NSMCE4A: variants seen among roughly 807,000 people sequenced by gnomAD.
The protein encoded by NSMCE4A is NSE4A component of SMC5/6 complex.
A neutral mutation model predicts 47.9 loss-of-function variants in NSMCE4A; 40 were observed. The ratio of observed to expected loss-of-function variants is 0.83; its 90% CI spans 0.65 to 1.09. The LOEUF is 1.09. Ranked by LOEUF, NSMCE4A falls within the 50% of genes least tolerant of loss-of-function variation. NSMCE4A has a pLI of 0.00. For missense variants in NSMCE4A, 500 were observed against 507.0 expected, an observed-to-expected ratio of 0.99 and a Z score of 0.13; for synonymous variants, 166 against 178.5, an observed-to-expected ratio of 0.93 and a Z score of 0.56.
Position 121,971,076 on chromosome 10 carries a change from A to C in NSMCE4A, c.371-7T>G, listed in dbSNP as rs1330748160. 1 of 1,602,792 alleles carries C rather than the reference A, an allele frequency of 6.2e-7. No homozygotes were observed. Among genetic ancestry groups the C allele is most frequent in the South Asian group, 1.1e-5 (1 of 88,954 alleles). On this transcript the variant is annotated splice_polypyrimidine_tract_variant and splice_region_variant and intron_variant, in intron 2 of 10. Transcript: ENST00000369023. ...GCTTCTCTTGCTCGGGACACTATTC[A>C]AAAAAGAAAGAAAATATTCACATTA...
chr10:121,969,928 C>T (rs1200731294), intron 3 of NSMCE4A, among the ~76,000 whole-genome samples: 9 of 152,076 alleles, frequency 5.9e-5, no homozygotes, highest in Admixed American at 5.9e-4. Flanking sequence ...GGTGGCCAGG[C>T]TGGTCTGAAA....
Position 121,974,035 on chromosome 10 carries a change from G to C in NSMCE4A, c.339C>G (p.Val113=). 1 of 1,604,830 alleles carries C rather than the reference G, an allele frequency of 6.2e-7. No homozygotes were observed. The highest frequency in any genetic ancestry group is 2.2e-5 in the East Asian group (1 of 44,798). ...ILNAGDKLTE[V]LEEANTLFNE... is the part of the protein sequence containing the mutation. ...TAAACAGAGTGTTAGCCTCTTCAAG[G>C]ACCTCTGTTAATTTGTCACCGGCAT... Residue 113 remains valine (V), a synonymous_variant, in exon 2 of 11, where the codon GTC becomes GTG. Transcript: ENST00000369023.
rs1188084164 is a variant in NSMCE4A, at chr10:121,967,731, T to C, written c.577A>G (p.Ile193Val). 1.2e-6 allele frequency: 2 copies of C among 1,614,084 alleles called. No homozygotes were observed. The highest frequency in any genetic ancestry group is 2.7e-5 in the African/African-American group (2 of 74,952). ...RDEDSPDFEFIVYDSWKITGR... is the reference protein window; with the variant it reads ...RDEDSPDFEFVVYDSWKITGR... ...GTTATCTTCCAGGAGTCATAGACTA[T>C]GAATTCAAAATCAGGACTATCTTCA... The change falls in exon 4 of 11, where the codon ATA becomes GTA. Residue 193 changes from isoleucine (I) to valine (V), a missense_variant. Transcript: ENST00000369023.
chr10:121,961,601 G>A (rs1952499787), intron 6 of NSMCE4A, 84 bp from the exon 7 acceptor site: 2 of 786,962 alleles, frequency 2.5e-6, no homozygotes, highest in East Asian at 3.0e-5. Context: ...GACAAAGAAA[G>A]GATGTGTACT....
chr10:121,971,150 A>C, intron 2 of NSMCE4A, 81 bp from the exon 3 acceptor site: 1 of 1,216,528 alleles, frequency 8.2e-7, no homozygotes, highest in Non-Finnish European at 1.1e-6. Flanking sequence ...CCAACTACTT[A>C]CCAGGATTTC....
chr10:121,974,215 CTT>C (rs1952772332), intron 1 of NSMCE4A, 134 bp from the exon 2 acceptor site: 1 of 1,392,832 alleles, frequency 7.2e-7, no homozygotes, highest in Non-Finnish European at 9.6e-7. Flanking sequence ...ACATCTTTAT[CTT>C]TTTAACCAAA....
Position 121,960,619 on chromosome 10 carries a change from C to T in NSMCE4A, c.940-213G>A, listed in dbSNP as rs564690292. On this transcript the variant is annotated intron_variant, in intron 7 of 10. Coordinates refer to ENST00000369023, the MANE Select transcript of NSMCE4A (RefSeq NM_017615.3). The surrounding 1 kb of genome is among the most constrained non-coding windows in gnomAD (Gnocchi z 4.2). Reference sequence around the variant, plus strand: ...TCTAATCAGCTCTTTCACCCAGACACAGCCTCCATCCTGAGAATCTCTTAA... The same window carrying T: ...TCTAATCAGCTCTTTCACCCAGACATAGCCTCCATCCTGAGAATCTCTTAA... 9.8e-5 allele frequency among the ~76,000 whole-genome samples: 15 copies of T among 152,296 alleles called. No individual in the cohort carries two copies. The highest frequency in any genetic ancestry group is 3.4e-4 in the African/African-American group (14 of 41,574).
chr10:121,974,002 A>ACCTT lies in NSMCE4A; in HGVS notation c.368_370+1dup. Reference sequence around the variant, plus strand: ...GAAATAACATATAAAATAACAAATTACCTTCATTAAACAGAGTGTTAGCCT... The same window carrying ACCTT: ...GAAATAACATATAAAATAACAAATTACCTTCCTTCATTAAACAGAGTGTTAGCCT... On this transcript the variant is annotated splice_donor_variant, in intron 2 of 10. Transcript: ENST00000369023. LOFTEE classifies it high-confidence loss of function. 1 of 1,577,388 alleles carries ACCTT rather than the reference A, an allele frequency of 6.3e-7. No individual in the cohort carries two copies. Among genetic ancestry groups the ACCTT allele is most frequent in the Non-Finnish European group, 8.7e-7 (1 of 1,154,006 alleles).
chr10:121,964,095 C>CAAAAAAAAAA (rs143527895), intron 5 of NSMCE4A, among the ~76,000 whole-genome samples: 4 of 117,262 alleles, frequency 3.4e-5, no homozygotes, highest in African/African-American at 6.5e-5. Flanking sequence ...GACTCTGTCT[C>CAAAAAAAAAA]AAAAAAAATT....
chr10:121,966,166 AAC>A (rs1246764651), intron 4 of NSMCE4A: 2 of 152,216 alleles, frequency 1.3e-5, no homozygotes, highest in African/African-American at 4.8e-5. Flanking sequence ...GTGCTATGAG[AAC>A]ACTTGGGCAG....
chr10:121,974,348 T>TCTC (rs1431893794), intron 1 of NSMCE4A: 5 of 1,238,926 alleles, frequency 4.0e-6, no homozygotes, highest in Non-Finnish European at 5.1e-6. Flanking sequence ...CTCTGAGTGC[T>TCTC]CCATAACTGA....
At chr10:121,972,381 C>T (rs906186485) in intron 2 of NSMCE4A, among the ~76,000 whole-genome samples, 11 of 152,154 alleles carry the variant, frequency 7.2e-5, no homozygotes, top group Admixed American at 3.9e-4. Context: ...CCCTCAGCCC[C>T]GCTGTTTCCT....
chr10:121,967,517 T>A, intron 4 of NSMCE4A, 138 bp downstream of exon 4: 1 of 929,996 alleles, frequency 1.1e-6, no homozygotes. Flanking sequence ...TGAACTTTCA[T>A]ATCAAAGTTT....
rs1012147546 is a variant in NSMCE4A, at chr10:121,957,142, T to G, written c.*130A>C. ...TTAATCAAAGACAACCATGACAAAT[T>G]TATTAACTATCAAAAGCTACATTTT... On this transcript the variant is annotated 3_prime_UTR_variant, in exon 11 of 11. Coordinates refer to ENST00000369023, the MANE Select transcript of NSMCE4A (RefSeq NM_017615.3). The G allele has an allele frequency of 3.3e-5, 5 of 152,578 alleles. No individual in the cohort carries two copies. Among genetic ancestry groups the G allele is most frequent in the Admixed American group, 6.5e-5 (1 of 15,272 alleles). 9.5% of individuals were successfully genotyped at this position (152,578 alleles called of 1,614,324 possible).
chr10:121,963,273 ATTCT>A lies in NSMCE4A; in HGVS notation c.805_808del (p.Arg269SerfsTer50). ...AAAATATGTCTGCAACAATCCCAAG[ATTCT>A]TTCTACTTCTTTCTCTGTTGCTTCT... On this transcript the variant is annotated frameshift_variant, in exon 6 of 11. Transcript: ENST00000369023. LOFTEE classifies it high-confidence loss of function. The A allele has an allele frequency of 6.2e-7, 1 of 1,611,920 alleles. No individual in the cohort carries two copies.
rs892978680 is a variant in NSMCE4A, at chr10:121,967,876, G to A, written c.502-70C>T. 18 of 1,505,194 alleles carry A rather than the reference G, an allele frequency of 1.2e-5. 1 individual carries two copies. Among genetic ancestry groups the A allele is most frequent in the African/African-American group, 2.8e-5 (2 of 71,270 alleles). 93.2% of individuals were successfully genotyped at this position (1,505,194 alleles called of 1,614,324 possible). On this transcript the variant is annotated intron_variant, in intron 3 of 10. Coordinates refer to ENST00000369023, the MANE Select transcript of NSMCE4A (RefSeq NM_017615.3). ...AATCATTTTCCACATCCAATAATCC[G>A]CATCACTCAACCTTTAAGAGGCCAG...
chr10:121,965,324 C>A lies in NSMCE4A; in HGVS notation c.715G>T (p.Val239Phe). 1.2e-6 allele frequency: 2 copies of A among 1,613,940 alleles called. No individual in the cohort carries two copies. Among genetic ancestry groups the A allele is most frequent in the Non-Finnish European group, 1.7e-6 (2 of 1,179,922 alleles). Residue 239 changes from valine (V) to phenylalanine (F), a missense_variant, in exon 5 of 11, where the codon GTT (valine) becomes TTT (phenylalanine). Coordinates refer to ENST00000369023, the MANE Select transcript of NSMCE4A (RefSeq NM_017615.3). ...GCCCTCTCCTCTTGTATCACAGGAACTTTTCTTGGACGATCAACTCGTGGC... is the reference window on the plus strand; with the variant it reads ...GCCCTCTCCTCTTGTATCACAGGAAATTTTCTTGGACGATCAACTCGTGGC... ...PKPRVDRPRK[V>F]PVIQEERAMP...
At chr10:121,971,752 T>C (rs1030971115) in intron 2 of NSMCE4A, among the ~76,000 whole-genome samples, 2 of 152,196 alleles carry the variant, frequency 1.3e-5, no homozygotes, top group Non-Finnish European at 2.9e-5. Context: ...CCACTACATG[T>C]AGGGCCCTGT....
intron 1 of NSMCE4A, 30 bp downstream of exon 1, chr10:121,974,844 G>C: frequency 7.0e-7 from 1 of 1,431,914 alleles, no homozygotes. Context: ...GGCCCGTCCG[G>C]GCCCGCGCCG....
Sources: gnomAD v4.1 joint callset for allele counts (sites outside exome capture counted in the v4.1 genomes callset) on GRCh38, gnomAD v4.1.1 for gene constraint, Gnocchi (gnomAD v3.1) non-coding constraint, MANE v1.5 for transcripts, NCBI Gene and HGNC (gene_info 2026-07-23, HGNC 2026-07-21) for gene names.